The following PCDHGA10 variants were observed in gnomAD, a reference collection of about 807,000 sequenced individuals.
The protein encoded by PCDHGA10 is protocadherin gamma-A10.
Under a neutral mutation model 59.5 loss-of-function variants are expected in PCDHGA10, and 42 were observed. The observed-to-expected ratio is 0.71, with a 90% CI of 0.55 to 0.91. The LOEUF (loss-of-function observed/expected upper bound fraction) is 0.91. Ranked by LOEUF, PCDHGA10 falls within the 40% of genes least tolerant of loss-of-function variation. The pLI, the probability that PCDHGA10 is intolerant of heterozygous loss-of-function variation, is 0.00. For synonymous variants in PCDHGA10, 511 were observed against 517.2 expected (o/e 0.99, Z 0.16); for missense variants, 1,111 against 1,198.2 (o/e 0.93, Z 1.07).
intron 2 of PCDHGA10, among the ~76,000 whole-genome samples, chr5:141,503,269 C>A (rs1161751693): frequency 6.6e-6 from 1 of 152,116 alleles, no homozygotes; most frequent in Non-Finnish European, 1.5e-5. Context: ...ACCCCAGCAC[C>A]TGGCTCTGTG....
intron 1 of PCDHGA10, among the ~76,000 whole-genome samples, chr5:141,447,276 A>G (rs2098532917): frequency 6.6e-6 from 1 of 151,994 alleles, no homozygotes; most frequent in South Asian, 2.1e-4. Flanking sequence ...AGTAGCTGGG[A>G]CTACAGGCAC....
rs200934469 is a variant in PCDHGA10 at position 141,413,229 on chromosome 5, C to T, written c.54C>T (p.Val18=). Reference sequence around the variant, plus strand: ...AATCAAAGGATTGCAGCGGGCTGGTCCTGCTCTGCCTTTTCTTCGGGATTC... The same window carrying T: ...AATCAAAGGATTGCAGCGGGCTGGTTCTGCTCTGCCTTTTCTTCGGGATTC... The part of the protein sequence containing the change: ...SKESKDCSGL[V]LLCLFFGIPW... Residue 18 remains valine (V), a synonymous_variant, in exon 1 of 4, where the codon GTC becomes GTT. Coordinates refer to ENST00000398610, the MANE Select transcript of PCDHGA10 (RefSeq NM_018913.3). 1 of 1,613,914 alleles carries T rather than the reference C, an allele frequency of 6.2e-7. No homozygotes were observed. Among genetic ancestry groups the T allele is most frequent in the African/African-American group, 1.3e-5 (1 of 75,074 alleles).
chr5:141,470,113 A>C (rs1209326739), intron 1 of PCDHGA10, among the ~76,000 whole-genome samples: 1 of 152,126 alleles, frequency 6.6e-6, no homozygotes, highest in Non-Finnish European at 1.5e-5. Context: ...TGAGCAACAG[A>C]GCAAGACTTC....
At chr5:141,426,657 A>G (rs1369635444) in intron 1 of PCDHGA10, 2 of 425,278 alleles carry the variant, frequency 4.7e-6, no homozygotes, top group Non-Finnish European at 9.7e-6. Flanking sequence ...GATAGAAGAT[A>G]TAAATGATAA....
At chr5:141,430,217 T>C (rs1055487905) in intron 1 of PCDHGA10, among the ~76,000 whole-genome samples, 1 of 150,102 alleles carries the variant, frequency 6.7e-6, no homozygotes, top group Non-Finnish European at 1.5e-5. Context: ...TATTATATTA[T>C]ATGATTTGTC....
chr5:141,443,254 G>A (rs185181143), intron 1 of PCDHGA10, among the ~76,000 whole-genome samples: 30 of 152,006 alleles, frequency 2.0e-4, no homozygotes, highest in Admixed American at 1.6e-3. Context: ...GCCAAGGCGG[G>A]TGGATCACTT....
At chr5:141,420,530 A>G (rs1038635436) in intron 1 of PCDHGA10, 9 of 336,858 alleles carry the variant, frequency 2.7e-5, no homozygotes, top group African/African-American at 6.4e-5. Flanking sequence ...CCTTTCGGTT[A>G]AAAATATAAA....
chr5:141,419,389 G>C (rs551951411), intron 1 of PCDHGA10: 1 of 1,613,670 alleles, frequency 6.2e-7, no homozygotes, highest in South Asian at 1.1e-5. Context: ...TGAGCGCGCA[G>C]AGCGGGGTGG....
At chr5:141,434,784 A>T (rs967716221) in intron 1 of PCDHGA10, among the ~76,000 whole-genome samples, 11 of 150,278 alleles carry the variant, frequency 7.3e-5, no homozygotes, top group East Asian at 5.8e-4. Flanking sequence ...AAAAAAAAAA[A>T]TTTTTTTTTC....
chr5:141,478,424 G>A, intron 1 of PCDHGA10: 2 of 1,613,686 alleles, frequency 1.2e-6, no homozygotes, highest in African/African-American at 1.3e-5. Context: ...CCGCCGCAGC[G>A]ACCCGCTGCT....
intron 1 of PCDHGA10, among the ~76,000 whole-genome samples, chr5:141,470,360 T>G (rs1554150725): frequency 6.6e-6 from 1 of 152,142 alleles, no homozygotes; most frequent in Non-Finnish European, 1.5e-5. Context: ...ATAGACACAT[T>G]AGGTTGAATG....
chr5:141,504,836 C>A (rs550489904), intron 2 of PCDHGA10, among the ~76,000 whole-genome samples: 2 of 152,200 alleles, frequency 1.3e-5, no homozygotes, highest in East Asian at 3.9e-4. Context: ...TTTTCTCTAG[C>A]TCTGGAACAT....
At chr5:141,465,162 G>A (rs1464525964) in intron 1 of PCDHGA10, among the ~76,000 whole-genome samples, 1 of 151,654 alleles carries the variant, frequency 6.6e-6, no homozygotes, top group Non-Finnish European at 1.5e-5. Context: ...GACTCTAAAT[G>A]TTTATGAAGA....
rs138463062 is a variant in PCDHGA10 at position 141,485,217 on chromosome 5, C to T, written c.2437-9590C>T. 7,893 of 1,614,092 alleles carry T rather than the reference C, an allele frequency of 4.9e-3. 42 individuals carry two copies. Among genetic ancestry groups the T allele is most frequent in the Admixed American group, 8.8e-3 (531 of 60,030 alleles). On this transcript the variant is annotated intron_variant, in intron 1 of 3. Coordinates refer to ENST00000398610, the MANE Select transcript of PCDHGA10 (RefSeq NM_018913.3). This position sits in a 1 kb window ranked among gnomAD's most constrained non-coding sequence, Gnocchi z 5.7. Reference sequence around the variant, plus strand: ...AGCTGGACAGAAATCTGGCGGTGGGCTACCCTTTTGTTCCTCTTTTACCAC... The same window carrying T: ...AGCTGGACAGAAATCTGGCGGTGGGTTACCCTTTTGTTCCTCTTTTACCAC...
In PCDHGA10 at chr5:141,433,177, A is replaced by T; in HGVS notation, c.2436+17566A>T. 1.9e-6 allele frequency: 3 copies of T among 1,608,174 alleles called. No homozygotes were observed. The Middle Eastern group carries it at 5.0e-4, about 267-fold the overall frequency. Reference sequence around the variant, plus strand: ...TATTTTCTAAAGACAGTCATGGGTTAATTGAGGTGAGTTTATATCAAATCT... The same window carrying T: ...TATTTTCTAAAGACAGTCATGGGTTTATTGAGGTGAGTTTATATCAAATCT... On this transcript the variant is annotated intron_variant, in intron 1 of 3. Coordinates refer to ENST00000398610, the MANE Select transcript of PCDHGA10 (RefSeq NM_018913.3).
rs751994783 is a variant in PCDHGA10, at chr5:141,413,877, G to GAC, written c.703_704dup (p.Val236LeufsTer19). The GAC allele has an allele frequency of 6.2e-7, 1 of 1,613,386 alleles. No homozygotes were observed. On this transcript the variant is annotated frameshift_variant, in exon 1 of 4. Transcript: ENST00000398610. LOFTEE classifies it high-confidence loss of function. ...GATCTGGCACTGTCCTTGTCAGTGT[G>GAC]ACTGTCTTCGATGCAAATGACAACG...
chr5:141,494,680 C>G (rs552351026), intron 1 of PCDHGA10, 127 bp from the exon 2 acceptor site: 2 of 1,560,096 alleles, frequency 1.3e-6, no homozygotes, highest in East Asian at 4.6e-5. Context: ...CCACCCCTGC[C>G]CCCTCTTAGT....
rs561122870 is a variant in PCDHGA10 at position 141,439,444 on chromosome 5, C to T, written c.2436+23833C>T. On this transcript the variant is annotated intron_variant, in intron 1 of 3. Transcript: ENST00000398610. ...ATAAATTCCCAGGAATATTTTATTG[C>T]GGGAGCAAGACTGCACTGCTGCCTT... Among the ~76,000 whole-genome samples the T allele has an allele frequency of 3.0e-4, 46 of 152,264 alleles. 1 individual carries two copies. The South Asian group carries it at 6.2e-3, about 21-fold the overall frequency.
At position 141,423,758 on chromosome 5, in the gene PCDHGA10, G is replaced by GC. The variant is rs1554116873; in HGVS notation, c.2436+8147_2436+8148insC. 1.7e-4 allele frequency: 62 copies of GC among 366,836 alleles called. 2 individuals are homozygous for GC. The highest frequency in any genetic ancestry group is 4.2e-4 in the Middle Eastern group (1 of 2,358). The allele number at this position is 366,836 out of a possible 1,614,324, so 22.7% of individuals were successfully genotyped here. Reference sequence around the variant, plus strand: ...CTGTTATGAAAACTGTTTGGGGGGGGGGTGGGGCGGCATATATTTAGTTCA... The same window carrying GC: ...CTGTTATGAAAACTGTTTGGGGGGGGCGGTGGGGCGGCATATATTTAGTTCA... On this transcript the variant is annotated intron_variant, in intron 1 of 3. Coordinates refer to ENST00000398610, the MANE Select transcript of PCDHGA10 (RefSeq NM_018913.3).
Sources: allele counts gnomAD v4.1 joint callset (sites outside exome capture counted in the v4.1 genomes callset), GRCh38; gene constraint gnomAD v4.1.1; non-coding constraint Gnocchi (gnomAD v3.1); transcripts MANE v1.5; gene names NCBI Gene and HGNC (gene_info 2026-07-23, HGNC 2026-07-21).